The following P2RY8 variants were observed in gnomAD, a reference collection of about 807,000 sequenced individuals.
The protein encoded by P2RY8 is S-geranylgeranyl-glutathione receptor P2RY8.
In P2RY8, 6 loss-of-function variants were observed where a neutral mutation model predicts 10.0. The ratio of observed to expected loss-of-function variants is 0.60; its 90% CI spans 0.33 to 1.19. The LOEUF (loss-of-function observed/expected upper bound fraction) is 1.19. P2RY8 is among the 50% of genes most tolerant of loss of function. The pLI is 0.04. For synonymous variants in P2RY8, 276 were observed against 252.5 expected (o/e 1.09, Z -0.88); for missense variants, 456 against 542.0 (o/e 0.84, Z 1.58).
intron 1 of P2RY8, among the ~76,000 whole-genome samples, chrX:1,513,218 C>T (rs2092313071): frequency 6.7e-6 from 1 of 148,196 alleles, no homozygotes; most frequent in Non-Finnish European, 1.5e-5. Context: ...TTTATGACTG[C>T]ATAGTATTCC....
chrX:1,509,832 T>A, intron 1 of P2RY8, among the ~76,000 whole-genome samples: 1 of 149,142 alleles, frequency 6.7e-6, no homozygotes, highest in East Asian at 2.0e-4. Context: ...TATCTATCTA[T>A]CTATCTCTAT....
In P2RY8 at chrX:1,466,176, G is replaced by A; in HGVS notation, c.383C>T (p.Pro128Leu). Residue 128 changes from proline (P) to leucine (L), a missense_variant, in exon 2 of 2, where the codon CCG (proline) becomes CTG (leucine). By Grantham distance (98) the Pro-to-Leu change is moderately conservative (BLOSUM62 -3). Coordinates refer to ENST00000381297, the MANE Select transcript of P2RY8 (RefSeq NM_178129.5). The part of the protein sequence containing the change: ...SVERFLGVLY[P>L]LSSKRWRRRR... ...GCGGCGCCAGCGCTTGGAGCTGAGC[G>A]GGTACAGGACCCCCAGGAAGCGCTC... is the stretch of plus-strand genomic sequence containing the variant. The A allele has an allele frequency of 6.2e-7, 1 of 1,612,472 alleles. No homozygotes were observed. Among genetic ancestry groups the A allele is most frequent in the Non-Finnish European group, 8.5e-7 (1 of 1,179,394 alleles).
At position 1,515,940 on chromosome X, in the gene P2RY8, G is replaced by A. The variant is rs1201369435; in HGVS notation, c.-25+20981C>T. The stretch of plus-strand genomic sequence containing the variant: ...TGTAATCCCAGCACTTTGGGAGGCC[G>A]AGGGGTCGGGGGGTGGTGGATCACC... On this transcript the variant is annotated intron_variant, in intron 1 of 1. Coordinates refer to ENST00000381297, the MANE Select transcript of P2RY8 (RefSeq NM_178129.5). Among the ~76,000 whole-genome samples the A allele has an allele frequency of 5.6e-5, 3 of 53,904 alleles. No individual in the cohort carries two copies. The East Asian group carries it at 0.01, about 181-fold the overall frequency. The allele number at this position is 53,904 out of a possible 152,430, so 35.4% of individuals were successfully genotyped here.
intron 1 of P2RY8, among the ~76,000 whole-genome samples, chrX:1,510,142 T>C (rs2092288403): frequency 6.6e-6 from 1 of 152,174 alleles, no homozygotes. Context: ...TCTATATCTA[T>C]GTATTACCTA....
intron 1 of P2RY8, among the ~76,000 whole-genome samples, chrX:1,476,438 T>A (rs1297724208): frequency 1.8e-4 from 27 of 150,484 alleles, no homozygotes; most frequent in Non-Finnish European, 2.2e-4. Context: ...AAAAAAAAAA[T>A]TAGCCGGGCG....
chrX:1,463,658 C>A lies in P2RY8; in HGVS notation c.*1821G>T, dbSNP rs2091619316. ...GGGCTTTAAAACAAGACATGTCTTT[C>A]TGGGGCAACTGTTTAGTGCACTCTG... On this transcript the variant is annotated 3_prime_UTR_variant, in exon 2 of 2. Coordinates refer to ENST00000381297, the MANE Select transcript of P2RY8 (RefSeq NM_178129.5). 4.3e-6 allele frequency: 1 copy of A among 232,674 alleles called. No individual in the cohort carries two copies. Among genetic ancestry groups the A allele is most frequent in the South Asian group, 1.8e-4 (1 of 5,528 alleles). 14.4% of individuals were successfully genotyped at this position (232,674 alleles called of 1,614,324 possible).
At chrX:1,470,900 G>A (rs752360749) in intron 1 of P2RY8, among the ~76,000 whole-genome samples, 4 of 149,956 alleles carry the variant, frequency 2.7e-5, no homozygotes, top group South Asian at 2.1e-4. Flanking sequence ...GTAGTGGTGC[G>A]ATCTTGGCTC....
rs2091633185 is a variant in P2RY8 at position 1,464,435 on chromosome X, C to T, written c.*1044G>A. The T allele has an allele frequency of 1.7e-5, 4 of 233,418 alleles. No individual in the cohort carries two copies. Among genetic ancestry groups the T allele is most frequent in the South Asian group, 1.8e-4 (1 of 5,532 alleles). The allele number at this position is 233,418 out of a possible 1,614,324, so 14.5% of individuals were successfully genotyped here. On this transcript the variant is annotated 3_prime_UTR_variant, in exon 2 of 2. Coordinates refer to ENST00000381297, the MANE Select transcript of P2RY8 (RefSeq NM_178129.5). ...CTGCATCTGCTGCTTGGTCTCCAAA[C>T]GGTCTCATGGGTCAGGCCAGTTGCC... is the stretch of plus-strand genomic sequence containing the variant.
At chrX:1,485,127 C>A (rs2091975618) in intron 1 of P2RY8, among the ~76,000 whole-genome samples, 1 of 151,506 alleles carries the variant, frequency 6.6e-6, no homozygotes, top group East Asian at 1.9e-4. Context: ...CTGCACCCAG[C>A]CCTTAGTAAT....
At chrX:1,520,105 T>G (rs1349676722) in intron 1 of P2RY8, among the ~76,000 whole-genome samples, 5 of 151,698 alleles carry the variant, frequency 3.3e-5, no homozygotes, top group Non-Finnish European at 7.4e-5. Flanking sequence ...TGGTCCCTAA[T>G]AATCTCTGGT....
intron 1 of P2RY8, among the ~76,000 whole-genome samples, chrX:1,518,420 C>T (rs1156545034): frequency 4.1e-4 from 29 of 70,614 alleles, no homozygotes; most frequent in African/African-American, 1.1e-3. Flanking sequence ...AGCGAGACTC[C>T]GTCTCAAAAA....
At chrX:1,481,595 C>T (rs1383196928) in intron 1 of P2RY8, among the ~76,000 whole-genome samples, 2 of 151,838 alleles carry the variant, frequency 1.3e-5, no homozygotes, top group African/African-American at 2.4e-5. Flanking sequence ...GAGAGTCCAG[C>T]TTTGGGATTA....
chrX:1,507,681 C>A (rs2092247821), intron 1 of P2RY8, among the ~76,000 whole-genome samples: 1 of 152,126 alleles, frequency 6.6e-6, no homozygotes, highest in Non-Finnish European at 1.5e-5. Context: ...GATTTCCGCC[C>A]CCCTGCCTGA....
intron 1 of P2RY8, among the ~76,000 whole-genome samples, chrX:1,526,332 A>T (rs181151557): frequency 7.8e-4 from 119 of 151,618 alleles, no homozygotes; most frequent in Non-Finnish European, 1.4e-3. Flanking sequence ...CCATCCATTC[A>T]TTCATCCATC....
At chrX:1,468,433 C>G (rs1198293821) in intron 1 of P2RY8, among the ~76,000 whole-genome samples, 4 of 152,144 alleles carry the variant, frequency 2.6e-5, no homozygotes, top group Non-Finnish European at 4.4e-5. Context: ...CTGTGGCCAC[C>G]GGACAGCCCC....
rs746807882 is a variant in P2RY8 at position 1,475,728 on chromosome X, C to T, written c.-24-9146G>A. ...AACAAGCCAATGGGCCTCAGAAACT[C>T]AATGGAAGACAAGGATCTCAAGACT... On this transcript the variant is annotated intron_variant, in intron 1 of 1. Transcript: ENST00000381297. Among the ~76,000 whole-genome samples, 62 of 152,276 alleles carry T rather than the reference C, an allele frequency of 4.1e-4. 2 individuals are homozygous for T. The highest frequency in any genetic ancestry group is 7.5e-4 in the Non-Finnish European group (51 of 68,016).
intron 1 of P2RY8, among the ~76,000 whole-genome samples, chrX:1,480,917 A>C (rs56142148): frequency 0.74 from 111,770 of 151,024 alleles, 42,037 homozygotes; most frequent in African/African-American, 0.86. Context: ...AAAAAAAAAA[A>C]CCATTTAAAC....
At chrX:1,505,133 GT>G (rs1488610433) in intron 1 of P2RY8, among the ~76,000 whole-genome samples, 1 of 34,242 alleles carries the variant, frequency 2.9e-5, no homozygotes, top group Non-Finnish European at 6.9e-5. Flanking sequence ...GAGAGACTCT[GT>G]CTCAAAAAAA....
At chrX:1,512,836 AATTATT>A (rs367543446) in intron 1 of P2RY8, among the ~76,000 whole-genome samples, 137,210 of 150,632 alleles carry the variant, frequency 0.91, 63,597 homozygotes, top group East Asian at 1. Context: ...CACATGTGGA[AATTATT>A]ATTATTATTA....
Sources: allele counts gnomAD v4.1 joint callset (sites outside exome capture counted in the v4.1 genomes callset), GRCh38; gene constraint gnomAD v4.1.1; transcripts MANE v1.5; gene names NCBI Gene and HGNC (gene_info 2026-07-23, HGNC 2026-07-21).